LINGO1: variants seen among roughly 807,000 people sequenced by gnomAD.
LINGO1 encodes the protein leucine rich repeat and Ig domain containing 1.
Under a neutral mutation model 37.3 loss-of-function variants are expected in LINGO1, and 11 were observed. The observed-to-expected ratio is 0.29, with a 90% CI of 0.19 to 0.49. The LOEUF (loss-of-function observed/expected upper bound fraction) is 0.49. Among genes scored for constraint, LINGO1 ranks in the 20% least tolerant of loss-of-function variants. The pLI, the probability that LINGO1 is intolerant of heterozygous loss-of-function variation, is 0.99. For missense variants in LINGO1, 585 were observed against 878.2 expected, an observed-to-expected ratio of 0.67 and a Z score of 4.22; for synonymous variants, 387 against 403.0, an observed-to-expected ratio of 0.96 and a Z score of 0.48.
intron 2 of LINGO1, among the ~76,000 whole-genome samples, chr15:77,708,434 G>C (rs577788358): frequency 6.6e-6 from 1 of 152,328 alleles, no homozygotes; most frequent in African/African-American, 2.4e-5. Context: ...GTGGAAGTCT[G>C]GGCCCAGAAG....
intron 2 of LINGO1, among the ~76,000 whole-genome samples, chr15:77,688,799 A>T (rs953278388): frequency 1.3e-5 from 2 of 152,266 alleles, no homozygotes; most frequent in Non-Finnish European, 2.9e-5. Context: ...AGCCACAGAC[A>T]AGGTTATTAA....
intron 1 of LINGO1, among the ~76,000 whole-genome samples, chr15:77,797,671 C>T (rs1183290706): frequency 1.3e-5 from 2 of 152,342 alleles, no homozygotes; most frequent in South Asian, 4.1e-4. Context: ...GCCAGACCAG[C>T]CCCTCCTTTC....
intron 2 of LINGO1, among the ~76,000 whole-genome samples, chr15:77,727,520 A>G (rs566011868): frequency 6.6e-6 from 1 of 152,328 alleles, no homozygotes; most frequent in South Asian, 2.1e-4. Flanking sequence ...GTTTCCTAGT[A>G]TGAGGTACCT....
intron 1 of LINGO1, among the ~76,000 whole-genome samples, chr15:77,752,283 C>T (rs564798582): frequency 8.1e-4 from 124 of 152,344 alleles, no homozygotes; most frequent in Middle Eastern, 6.8e-3. Flanking sequence ...ACTCAGCCAG[C>T]GACAGGAGCC....
In LINGO1 at chr15:77,632,843, GCCCGCTCCGGCT is replaced by G. The variant is rs1567472807; in HGVS notation, c.-540_-529del. 1.3e-5 allele frequency among the ~76,000 whole-genome samples: 2 copies of G among 149,330 alleles called. No homozygotes were observed. The highest frequency in any genetic ancestry group is 4.9e-5 in the African/African-American group (2 of 41,030). On this transcript the variant is annotated 5_prime_UTR_variant, in exon 1 of 2. Transcript: ENST00000355300. This position sits in a 1 kb window ranked among gnomAD's most constrained non-coding sequence, Gnocchi z 6.0. ...GCCGCCGCCTGCGCTGTCGCCCGCCGCCCGCTCCGGCTCCCGCGCCGGCTCCCGCTCGGGCTC... is the reference window on the plus strand; with the variant it reads ...GCCGCCGCCTGCGCTGTCGCCCGCCGCCCGCGCCGGCTCCCGCTCGGGCTC...
chr15:77,737,372 A>T (rs2076213293), intron 1 of LINGO1, among the ~76,000 whole-genome samples: 1 of 152,064 alleles, frequency 6.6e-6, no homozygotes, highest in Admixed American at 6.6e-5. Flanking sequence ...AGAGCAGAGC[A>T]ATTTGCCTCA....
upstream of LINGO1, among the ~76,000 whole-genome samples, chr15:77,634,682 C>CT (rs1200551502): frequency 6.6e-6 from 1 of 152,152 alleles, no homozygotes; most frequent in African/African-American, 2.4e-5. Flanking sequence ...AGGAGTCCCC[C>CT]TCCCTGCCAG....
intron 3 of LINGO1, among the ~76,000 whole-genome samples, chr15:77,675,115 T>C (rs1173814579): frequency 6.6e-6 from 1 of 152,150 alleles, no homozygotes; most frequent in Non-Finnish European, 1.5e-5. Flanking sequence ...AGGGATTAAG[T>C]GATTAATAAT....
intron 3 of LINGO1, among the ~76,000 whole-genome samples, chr15:77,654,670 G>A (rs536275458): frequency 6.6e-6 from 1 of 152,298 alleles, no homozygotes; most frequent in Non-Finnish European, 1.5e-5. Context: ...AGAGGTCAAT[G>A]GAAAGGGCTC....
chr15:77,760,489 C>G lies in LINGO1; in HGVS notation c.-256-25436G>C, dbSNP rs570558669. On this transcript the variant is annotated intron_variant, in intron 1 of 3. Coordinates refer to the LINGO1 transcript ENST00000561686. ...GCAAATTACATAGGAATCTGGATTT[C>G]TGGTTTCTCTTGGAAAAGTTGAATC... Among the ~76,000 whole-genome samples the G allele has an allele frequency of 1.1e-4, 16 of 152,344 alleles. No individual in the cohort carries two copies. The South Asian group carries it at 3.3e-3, about 32-fold the overall frequency.
intron 1 of LINGO1, among the ~76,000 whole-genome samples, chr15:77,781,954 C>A (rs2076722201): frequency 6.6e-6 from 1 of 152,190 alleles, no homozygotes; most frequent in South Asian, 2.1e-4. Context: ...CATGGGAAGG[C>A]AGAGGGAAGC....
At chr15:77,779,993 C>G (rs958367610) in intron 1 of LINGO1, among the ~76,000 whole-genome samples, 1 of 152,156 alleles carries the variant, frequency 6.6e-6, no homozygotes, top group Non-Finnish European at 1.5e-5. Context: ...CGGGGAAGCC[C>G]AGAGTGCCAC....
intron 3 of LINGO1, among the ~76,000 whole-genome samples, chr15:77,662,503 C>T (rs1311426322): frequency 6.6e-6 from 1 of 152,152 alleles, no homozygotes; most frequent in Non-Finnish European, 1.5e-5. Context: ...ATACCCTCCA[C>T]CCTCTCTTGA....
chr15:77,615,633 C>A lies in LINGO1; in HGVS notation c.274G>T (p.Ala92Ser). ...RIKTLNQDEF[A>S]SFPHLEELEL... ...AGCTCCTCCAGGTGCGGGAAGCTGG[C>A]GAACTCGTCCTGGTTGAGCGTTTTG... The change falls in exon 2 of 2, where the codon GCC becomes TCC. Residue 92 changes from alanine to serine, a missense_variant. By Grantham distance (99) the Ala-to-Ser change is moderately conservative. Coordinates refer to ENST00000355300, the MANE Select transcript of LINGO1 (RefSeq NM_032808.7). 1.9e-6 allele frequency: 3 copies of A among 1,612,064 alleles called. No individual in the cohort carries two copies. The highest frequency in any genetic ancestry group is 2.5e-6 in the Non-Finnish European group (3 of 1,179,178).
At chr15:77,818,872 A>C (rs1333693972) in intron 1 of LINGO1, among the ~76,000 whole-genome samples, 2 of 150,932 alleles carry the variant, frequency 1.3e-5, no homozygotes, top group Non-Finnish European at 3.0e-5. Context: ...TCCGCCCGCC[A>C]GACGGCCCGG....
At chr15:77,734,581 GT>G (rs2076185071) in intron 2 of LINGO1, among the ~76,000 whole-genome samples, 1 of 150,936 alleles carries the variant, frequency 6.6e-6, no homozygotes, top group Non-Finnish European at 1.5e-5. Flanking sequence ...TCCCTGGCCT[GT>G]CCCCCACAGG....
At chr15:77,727,992 A>C (rs2076119684) in intron 2 of LINGO1, among the ~76,000 whole-genome samples, 1 of 152,208 alleles carries the variant, frequency 6.6e-6, no homozygotes, top group Non-Finnish European at 1.5e-5. Flanking sequence ...ATCTTAAAAC[A>C]GGATAAATGG....
intron 3 of LINGO1, among the ~76,000 whole-genome samples, chr15:77,676,907 C>T (rs559758142): frequency 8.8e-4 from 134 of 152,286 alleles, no homozygotes; most frequent in Non-Finnish European, 1.0e-3. Flanking sequence ...AGGAACTCCT[C>T]CACAGGAGGC....
intron 1 of LINGO1, among the ~76,000 whole-genome samples, chr15:77,801,302 T>C (rs555273246): frequency 6.6e-6 from 1 of 152,308 alleles, no homozygotes. Context: ...AAATAAAATA[T>C]AGCATGTCCA....
Sources: gnomAD v4.1 joint callset for allele counts (sites outside exome capture counted in the v4.1 genomes callset) on GRCh38, gnomAD v4.1.1 for gene constraint, Gnocchi (gnomAD v3.1) non-coding constraint, MANE v1.5 for transcripts, NCBI Gene and HGNC (gene_info 2026-07-23, HGNC 2026-07-21) for gene names.